Variants in SEMG2 observed in about 807,000 individuals in gnomAD.
SEMG2 encodes the protein semenogelin 2, also known as semenogelin-2.
Under a neutral mutation model 8.1 loss-of-function variants are expected in SEMG2, and 3 were observed. That is an observed-to-expected ratio of 0.37 (90% CI 0.17 to 0.96). The LOEUF (loss-of-function observed/expected upper bound fraction) is 0.96. SEMG2 is among the 40% of genes least tolerant of loss of function. The pLI, the probability that SEMG2 is intolerant of heterozygous loss-of-function variation, is 0.41. For missense variants in SEMG2, 726 were observed against 671.2 expected (o/e 1.08, Z -0.90); for synonymous variants, 252 against 231.4 (o/e 1.09, Z -0.81).
In SEMG2 at chr20:45,221,980, T is replaced by C. The variant is rs1406718368; in HGVS notation, c.348T>C (p.His116=). 5 of 1,614,028 alleles carry C rather than the reference T, an allele frequency of 3.1e-6. No homozygotes were observed. The highest frequency in any genetic ancestry group is 1.1e-5 in the South Asian group (1 of 91,018). The change falls in exon 2 of 3, where the codon CAT becomes CAC. Residue 116 remains histidine (H), a synonymous_variant. Coordinates refer to ENST00000372769, the MANE Select transcript of SEMG2 (RefSeq NM_003008.3). The stretch of plus-strand genomic sequence containing the variant: ...ATTATAAACAAGAAGGCAGAGACCA[T>C]GATAAATCAAAAGGTCATTTTCACA... ...LLNYKQEGRD[H]DKSKGHFHMI...
chr20:45,223,472 T>A, intron 2 of SEMG2, 47 bp downstream of exon 2: 1 of 791,568 alleles, frequency 1.3e-6, no homozygotes, highest in Non-Finnish European at 2.0e-6. Flanking sequence ...TGTCCCAAAG[T>A]TGGGGACTCT....
At position 45,222,373 on chromosome 20, in the gene SEMG2, A is replaced by T. The variant is rs1181337487; in HGVS notation, c.741A>T (p.Gln247His). 1.2e-6 allele frequency: 2 copies of T among 1,614,160 alleles called. No individual in the cohort carries two copies. The highest frequency in any genetic ancestry group is 2.2e-5 in the East Asian group (1 of 44,880). Residue 247 changes from glutamine to histidine, a missense_variant, in exon 2 of 3, where the codon CAA (glutamine) becomes CAT (histidine). Gln to His is a conservative substitution (Grantham distance 24). Coordinates refer to ENST00000372769, the MANE Select transcript of SEMG2 (RefSeq NM_003008.3). ...SLHPAHQDRL[Q>H]HGPKDIFTTQ... is the part of the protein sequence containing the mutation. ...ATCCTGCACATCAAGACAGACTCCA[A>T]CATGGACCCAAAGACATTTTTACTA... is the stretch of plus-strand genomic sequence containing the variant.
Position 45,222,673 on chromosome 20 carries a change from A to T in SEMG2, c.1041A>T (p.Ser347=), listed in dbSNP as rs764527362. 6.2e-7 allele frequency: 1 copy of T among 1,613,760 alleles called. No homozygotes were observed. The highest frequency in any genetic ancestry group is 1.7e-5 in the Admixed American group (1 of 60,006). ...QEHGHKENKI[S]YQSSSTEERH... Reference sequence around the variant, plus strand: ...ATGGCCATAAGGAAAATAAAATATCATACCAATCTTCAAGTACAGAAGAAA... The same window carrying T: ...ATGGCCATAAGGAAAATAAAATATCTTACCAATCTTCAAGTACAGAAGAAA... Residue 347 remains serine, a synonymous_variant, in exon 2 of 3, where the codon TCA becomes TCT. Coordinates refer to ENST00000372769, the MANE Select transcript of SEMG2 (RefSeq NM_003008.3).
Position 45,224,342 on chromosome 20 carries a change from A to T in SEMG2, c.*96A>T, listed in dbSNP as rs1473776405. 2 of 152,202 alleles carry T rather than the reference A, an allele frequency of 1.3e-5. No homozygotes were observed. The highest frequency in any genetic ancestry group is 3.9e-4 in the East Asian group (2 of 5,186). The allele number at this position is 152,202 out of a possible 1,614,324, so 9.4% of individuals were successfully genotyped here. On this transcript the variant is annotated 3_prime_UTR_variant, in exon 3 of 3. Coordinates refer to ENST00000372769, the MANE Select transcript of SEMG2 (RefSeq NM_003008.3). ...TGATGTTTCTGAGAGGCAGACTCCCATGTGGTCCCAGATCCTTGGTCCATG... is the reference window on the plus strand; with the variant it reads ...TGATGTTTCTGAGAGGCAGACTCCCTTGTGGTCCCAGATCCTTGGTCCATG...
Position 45,222,350 on chromosome 20 carries a change from C to G in SEMG2, c.718C>G (p.Pro240Ala). ...HSSKLQTSLH[P>A]AHQDRLQHGP... is the part of the protein sequence containing the mutation. ...AAGTAAACTACAAACTTCACTCCAT[C>G]CTGCACATCAAGACAGACTCCAACA... The change falls in exon 2 of 3, where the codon CCT becomes GCT. Residue 240 changes from proline (P) to alanine (A), a missense_variant. Coordinates refer to ENST00000372769, the MANE Select transcript of SEMG2 (RefSeq NM_003008.3). 1.2e-6 allele frequency: 2 copies of G among 1,614,142 alleles called. No homozygotes were observed. Among genetic ancestry groups the G allele is most frequent in the Non-Finnish European group, 8.5e-7 (1 of 1,180,018 alleles).
chr20:45,223,016 A>T lies in SEMG2; in HGVS notation c.1384A>T (p.Lys462Ter). 6.2e-7 allele frequency: 1 copy of T among 1,614,204 alleles called. No homozygotes were observed. The highest frequency in any genetic ancestry group is 8.5e-7 in the Non-Finnish European group (1 of 1,180,028). ...TAGTCAAGATCAAGAGCATGGCCAT[A>T]AGGAAAATAAAATGTCATACCAATC... Reference protein sequence around the residue: ...IPSQDQEHGHKENKMSYQSSS... With the variant: ...IPSQDQEHGH The change falls in exon 2 of 3, where the codon AAG (lysine) becomes TAG (stop). Residue 462 changes from lysine to a stop codon, truncating the protein, a stop_gained. Transcript: ENST00000372769. LOFTEE classifies it low-confidence loss of function (END_TRUNC).
chr20:45,223,165 A>G lies in SEMG2; in HGVS notation c.1533A>G (p.Pro511=). 2 of 1,614,162 alleles carry G rather than the reference A, an allele frequency of 1.2e-6. No individual in the cohort carries two copies. The highest frequency in any genetic ancestry group is 1.7e-6 in the Non-Finnish European group (2 of 1,180,002). ...LVEGKSQIQT[P]NPNQDQWSGQ... is the part of the protein sequence containing the mutation. Reference sequence around the variant, plus strand: ...AAGGCAAGTCTCAAATCCAGACACCAAATCCTAATCAAGATCAATGGTCTG... The same window carrying G: ...AAGGCAAGTCTCAAATCCAGACACCGAATCCTAATCAAGATCAATGGTCTG... The change falls in exon 2 of 3, where the codon CCA becomes CCG. Residue 511 remains proline (P), a synonymous_variant. Coordinates refer to ENST00000372769, the MANE Select transcript of SEMG2 (RefSeq NM_003008.3).
chr20:45,221,567 C>A, intron 1 of SEMG2, 102 bp downstream of exon 1: 1 of 1,429,882 alleles, frequency 7.0e-7, no homozygotes, highest in Non-Finnish European at 9.6e-7. Context: ...AGATTCTTCT[C>A]CTTGATGAGA....
rs767363719 is a variant in SEMG2, at chr20:45,222,189, C to G, written c.557C>G (p.Thr186Arg). 4 of 1,614,130 alleles carry G rather than the reference C, an allele frequency of 2.5e-6. No homozygotes were observed. Among genetic ancestry groups the G allele is most frequent in the Non-Finnish European group, 3.4e-6 (4 of 1,179,996 alleles). ...ASASGAQKGRTQGGSQSSYVL... is the reference protein window; with the variant it reads ...ASASGAQKGRRQGGSQSSYVL... Reference sequence around the variant, plus strand: ...GCCTCTGGTGCACAAAAAGGTAGAACACAAGGTGGATCCCAAAGCAGTTAT... The same window carrying G: ...GCCTCTGGTGCACAAAAAGGTAGAAGACAAGGTGGATCCCAAAGCAGTTAT... The change falls in exon 2 of 3, where the codon ACA (threonine) becomes AGA (arginine). Residue 186 changes from threonine (T) to arginine (R), a missense_variant. Coordinates refer to ENST00000372769, the MANE Select transcript of SEMG2 (RefSeq NM_003008.3).
Position 45,222,170 on chromosome 20 carries a change from G to C in SEMG2, c.538G>C (p.Gly180Arg), listed in dbSNP as rs1984031867. 3 of 1,614,108 alleles carry C rather than the reference G, an allele frequency of 1.9e-6. No homozygotes were observed. Among genetic ancestry groups the C allele is most frequent in the Middle Eastern group, 1.6e-4 (1 of 6,062 alleles). The change falls in exon 2 of 3, where the codon GGT (glycine) becomes CGT (arginine). Residue 180 changes from glycine (G) to arginine (R), a missense_variant. Gly to Arg is a moderately radical substitution (Grantham distance 125). Coordinates refer to ENST00000372769, the MANE Select transcript of SEMG2 (RefSeq NM_003008.3). ...GLSKEQASASGAQKGRTQGGS... is the reference protein window; with the variant it reads ...GLSKEQASASRAQKGRTQGGS... Reference sequence around the variant, plus strand: ...AAGTAAAGAACAAGCTTCAGCCTCTGGTGCACAAAAAGGTAGAACACAAGG... The same window carrying C: ...AAGTAAAGAACAAGCTTCAGCCTCTCGTGCACAAAAAGGTAGAACACAAGG...
At position 45,221,407 on chromosome 20, in the gene SEMG2, C is replaced by A; in HGVS notation, c.18C>A (p.Leu6=). Residue 6 remains leucine (L), a synonymous_variant, in exon 1 of 3, where the codon CTC becomes CTA. Transcript: ENST00000372769. MKSII[L]FVLSLLLILE... is the part of the protein sequence containing the mutation. ...CAAGCAAGATGAAGTCCATCATCCTCTTTGTCCTTTCCCTGCTCCTTATCT... is the reference window on the plus strand; with the variant it reads ...CAAGCAAGATGAAGTCCATCATCCTATTTGTCCTTTCCCTGCTCCTTATCT... 1 of 1,614,158 alleles carries A rather than the reference C, an allele frequency of 6.2e-7. No individual in the cohort carries two copies. Among genetic ancestry groups the A allele is most frequent in the Admixed American group, 1.7e-5 (1 of 60,012 alleles).
intron 1 of SEMG2, 37 bp downstream of exon 1, chr20:45,221,502 T>G (rs2233895): frequency 2.5e-6 from 4 of 1,609,254 alleles, no homozygotes; most frequent in Non-Finnish European, 3.4e-6. Context: ...AAAGCTACTT[T>G]AAAAAAATGG....
At position 45,221,849 on chromosome 20, in the gene SEMG2, A is replaced by C; in HGVS notation, c.217A>C (p.Ile73Leu). The C allele has an allele frequency of 6.2e-7, 1 of 1,614,180 alleles. No homozygotes were observed. The highest frequency in any genetic ancestry group is 8.5e-7 in the Non-Finnish European group (1 of 1,180,006). Residue 73 changes from isoleucine (I) to leucine (L), a missense_variant, in exon 2 of 3, where the codon ATC becomes CTC. Ile to Leu is a conservative substitution (Grantham distance 5, BLOSUM62 2). Transcript: ENST00000372769. The part of the protein sequence containing the change: ...FSIQHTYHVD[I>L]NDHDWTRKSQ... The stretch of plus-strand genomic sequence containing the variant: ...TATTCAACACACATATCATGTAGAC[A>C]TCAATGATCATGACTGGACCCGAAA...
intron 2 of SEMG2, among the ~76,000 whole-genome samples, chr20:45,223,878 C>G (rs1984083057): frequency 6.6e-6 from 1 of 152,110 alleles, no homozygotes; most frequent in Non-Finnish European, 1.5e-5. Context: ...CATCTATGCT[C>G]CTTCAGAGAC....
rs1450479328 is a variant in SEMG2, at chr20:45,222,571, C to A, written c.939C>A (p.Ser313Arg). 6.2e-7 allele frequency: 1 copy of A among 1,613,822 alleles called. No homozygotes were observed. Among genetic ancestry groups the A allele is most frequent in the East Asian group, 2.2e-5 (1 of 44,840 alleles). ...TACAGAAAGATGTATCCAAAGGCAG[C>A]ATTTCTATCCAAACTGAAGAGAAAA... Reference protein sequence around the residue: ...KSVQKDVSKGSISIQTEEKIH... With the variant: ...KSVQKDVSKGRISIQTEEKIH... The change falls in exon 2 of 3, where the codon AGC becomes AGA. Residue 313 changes from serine to arginine, a missense_variant. Transcript: ENST00000372769.
chr20:45,222,384 A>G lies in SEMG2; in HGVS notation c.752A>G (p.Lys251Arg), dbSNP rs773482961. The change falls in exon 2 of 3, where the codon AAA becomes AGA. Residue 251 changes from lysine (K) to arginine (R), a missense_variant. By Grantham distance (26) the Lys-to-Arg change is conservative. Transcript: ENST00000372769. ...CAAGACAGACTCCAACATGGACCCA[A>G]AGACATTTTTACTACCCAAGATGAG... ...AHQDRLQHGP[K>R]DIFTTQDELL... 6.2e-7 allele frequency: 1 copy of G among 1,614,148 alleles called. No individual in the cohort carries two copies. The highest frequency in any genetic ancestry group is 8.5e-7 in the Non-Finnish European group (1 of 1,180,010).
Position 45,221,843 on chromosome 20 carries a change from G to A in SEMG2, c.211G>A (p.Val71Ile). The A allele has an allele frequency of 6.2e-7, 1 of 1,614,092 alleles. No homozygotes were observed. The highest frequency in any genetic ancestry group is 8.5e-7 in the Non-Finnish European group (1 of 1,179,982). Reference protein sequence around the residue: ...GSFSIQHTYHVDINDHDWTRK... With the variant: ...GSFSIQHTYHIDINDHDWTRK... ...TTTTTCTATTCAACACACATATCATGTAGACATCAATGATCATGACTGGAC... is the reference window on the plus strand; with the variant it reads ...TTTTTCTATTCAACACACATATCATATAGACATCAATGATCATGACTGGAC... Residue 71 changes from valine to isoleucine, a missense_variant, in exon 2 of 3, where the codon GTA becomes ATA. Coordinates refer to ENST00000372769, the MANE Select transcript of SEMG2 (RefSeq NM_003008.3).
Position 45,221,706 on chromosome 20 carries a change from C to T in SEMG2, c.77-3C>T. 1 of 1,599,146 alleles carries T rather than the reference C, an allele frequency of 6.3e-7. No individual in the cohort carries two copies. Among genetic ancestry groups the T allele is most frequent in the Non-Finnish European group, 8.5e-7 (1 of 1,172,774 alleles). On this transcript the variant is annotated splice_polypyrimidine_tract_variant and splice_region_variant and intron_variant, in intron 1 of 2. Coordinates refer to ENST00000372769, the MANE Select transcript of SEMG2 (RefSeq NM_003008.3). ...TGCATACATTTCTATTATCAATTAC[C>T]AGGTGGATCAAAAGGCCAATTGCCA...
intron 1 of SEMG2, 37 bp downstream of exon 1, chr20:45,221,502 T>TA (rs994553580): frequency 1.9e-6 from 3 of 1,609,202 alleles, no homozygotes; most frequent in South Asian, 1.1e-5. Context: ...AAAGCTACTT[T>TA]AAAAAAATGG....
Sources: gnomAD v4.1 joint callset for allele counts (sites outside exome capture counted in the v4.1 genomes callset) on GRCh38, gnomAD v4.1.1 for gene constraint, MANE v1.5 for transcripts, NCBI Gene and HGNC (gene_info 2026-07-23, HGNC 2026-07-21) for gene names.